The following SGCZ variants were observed in gnomAD, a reference collection of about 807,000 sequenced individuals.
SGCZ encodes the protein zeta-sarcoglycan.
A neutral mutation model predicts 41.3 loss-of-function variants in SGCZ; 40 were observed. That is an observed-to-expected ratio of 0.97 (90% CI 0.75 to 1.26). The LOEUF (loss-of-function observed/expected upper bound fraction) is 1.26, where lower values mean the gene tolerates loss of function less well. Among genes scored for constraint, SGCZ ranks in the 50% most tolerant of loss-of-function variants. The pLI, the probability that SGCZ is intolerant of heterozygous loss-of-function variation, is 0.00. For missense variants in SGCZ, 552 were observed against 369.8 expected (o/e 1.49, Z -4.04); for synonymous variants, 206 against 137.5 (o/e 1.50, Z -3.49).
intron 1 of SGCZ, among the ~76,000 whole-genome samples, chr8:15,189,669 C>A (rs1222549666): frequency 6.6e-6 from 1 of 152,028 alleles, no homozygotes; most frequent in Non-Finnish European, 1.5e-5. Flanking sequence ...CTACCTGAGC[C>A]TCCCAAGTAG....
chr8:14,456,709 T>G (rs965090757), intron 2 of SGCZ, among the ~76,000 whole-genome samples: 4 of 152,110 alleles, frequency 2.6e-5, no homozygotes, highest in Non-Finnish European at 4.4e-5. Flanking sequence ...ACATGGGATA[T>G]AGTTTGAATA....
At position 14,153,960 on chromosome 8, in the gene SGCZ, C is replaced by T. The variant is rs189950021; in HGVS notation, c.547+10620G>A. ...ACACAGACACACACACACACACACACATATATATGAAGACACAGCAACAAG... is the reference window on the plus strand; with the variant it reads ...ACACAGACACACACACACACACACATATATATATGAAGACACAGCAACAAG... On this transcript the variant is annotated intron_variant, in intron 5 of 7. Coordinates refer to ENST00000382080, the MANE Select transcript of SGCZ (RefSeq NM_139167.4). Among the ~76,000 whole-genome samples the T allele has an allele frequency of 6.0e-3, 835 of 139,258 alleles. 6 individuals carry two copies. The highest frequency in any genetic ancestry group is 8.0e-3 in the Non-Finnish European group (523 of 64,972). The allele number at this position is 139,258 out of a possible 152,430, so 91.4% of individuals were successfully genotyped here. A position where few individuals can be genotyped will look rare whatever the true frequency, so the allele number is the denominator to read the frequency against.
chr8:14,287,944 C>T (rs760858686), intron 3 of SGCZ, among the ~76,000 whole-genome samples: 7 of 152,132 alleles, frequency 4.6e-5, no homozygotes, highest in African/African-American at 7.2e-5. Context: ...TATTCCTCTT[C>T]GGTGAAGTAA....
At chr8:14,540,843 T>A (rs1803443505) in intron 2 of SGCZ, among the ~76,000 whole-genome samples, 1 of 151,838 alleles carries the variant, frequency 6.6e-6, no homozygotes, top group African/African-American at 2.4e-5. Context: ...TGTCACATGT[T>A]CAATTTTGGA....
chr8:14,691,079 T>TTATATTTTAGCATAATAA, intron 1 of SGCZ, among the ~76,000 whole-genome samples: 1 of 152,320 alleles, frequency 6.6e-6, no homozygotes, highest in South Asian at 2.1e-4. Context: ...TTTAGCATAC[T>TTATATTTTAGCATAATAA]ATAAATGCAC....
rs1396170295 is a variant in SGCZ at position 14,089,624 on chromosome 8, A to G, written c.*819T>C. On this transcript the variant is annotated 3_prime_UTR_variant, in exon 8 of 8. Coordinates refer to ENST00000382080, the MANE Select transcript of SGCZ (RefSeq NM_139167.4). ...TTAATACCATCAACATATCCTTCTT[A>G]ATCCTGTCTTATATTGCAATAGAGT... 6.6e-6 allele frequency among the ~76,000 whole-genome samples: 1 copy of G among 152,026 alleles called. No individual in the cohort carries two copies. The highest frequency in any genetic ancestry group is 1.5e-5 in the Non-Finnish European group (1 of 67,976).
intron 1 of SGCZ, among the ~76,000 whole-genome samples, chr8:14,845,692 T>A (rs577758893): frequency 1.3e-5 from 2 of 152,194 alleles, no homozygotes; most frequent in East Asian, 3.9e-4. Flanking sequence ...ACATCTTGAA[T>A]GAAAAATTCA....
rs560834617 is a variant in SGCZ at position 15,014,450 on chromosome 8, C to A, written c.39+223135G>T. Among the ~76,000 whole-genome samples the A allele has an allele frequency of 5.3e-5, 8 of 152,262 alleles. No homozygotes were observed. In the South Asian group the frequency reaches 1.7e-3, roughly 32 times the overall value. The stretch of plus-strand genomic sequence containing the variant: ...TTGTAAATGAAGGCTGGTTTTTATT[C>A]ATATCTTCCCTAAGCACCTAACAAA... On this transcript the variant is annotated intron_variant, in intron 1 of 7. Coordinates refer to ENST00000382080, the MANE Select transcript of SGCZ (RefSeq NM_139167.4).
At chr8:14,170,120 C>A (rs938643681) in intron 4 of SGCZ, among the ~76,000 whole-genome samples, 1 of 151,024 alleles carries the variant, frequency 6.6e-6, no homozygotes, top group East Asian at 1.9e-4. Context: ...CTGTATCTCT[C>A]ATCTTAACCT....
chr8:14,921,803 C>G (rs1585381007), intron 1 of SGCZ, among the ~76,000 whole-genome samples: 1 of 152,058 alleles, frequency 6.6e-6, no homozygotes, highest in South Asian at 2.1e-4. Flanking sequence ...TATAACCCGA[C>G]TTTTTTCAAT....
intron 1 of SGCZ, among the ~76,000 whole-genome samples, chr8:14,870,719 C>G (rs908724839): frequency 4.0e-5 from 6 of 149,206 alleles, no homozygotes; most frequent in African/African-American, 1.5e-4. Context: ...GAATCTTAAA[C>G]AAGTTTACAA....
intron 1 of SGCZ, among the ~76,000 whole-genome samples, chr8:14,819,324 T>C (rs1802002479): frequency 6.6e-6 from 1 of 152,150 alleles, no homozygotes; most frequent in South Asian, 2.1e-4. Context: ...TTACTTTTCC[T>C]TCATTTACGA....
chr8:14,215,005 T>C (rs1259047900), intron 4 of SGCZ, among the ~76,000 whole-genome samples: 1 of 152,090 alleles, frequency 6.6e-6, no homozygotes. Context: ...AAGAATATTA[T>C]CAAACAATGG....
intron 1 of SGCZ, among the ~76,000 whole-genome samples, chr8:14,878,513 T>C (rs776279296): frequency 2.6e-5 from 4 of 152,178 alleles, no homozygotes; most frequent in Non-Finnish European, 5.9e-5. Context: ...TTCTGATATC[T>C]GATTGGCTAC....
At chr8:14,597,465 CTT>C (rs1372239176) in intron 1 of SGCZ, among the ~76,000 whole-genome samples, 2 of 152,046 alleles carry the variant, frequency 1.3e-5, no homozygotes, top group African/African-American at 4.8e-5. Context: ...ATATTCATTC[CTT>C]TTTTTGTTTG....
chr8:15,145,170 C>A (rs1342520977), intron 1 of SGCZ, among the ~76,000 whole-genome samples: 1 of 152,182 alleles, frequency 6.6e-6, no homozygotes, highest in African/African-American at 2.4e-5. Context: ...AAGGTTATAA[C>A]TAATTCTTTA....
chr8:14,377,064 T>C (rs981355605), intron 2 of SGCZ, among the ~76,000 whole-genome samples: 4 of 152,136 alleles, frequency 2.6e-5, no homozygotes, highest in Admixed American at 2.0e-4. Context: ...AGAAGGTGAC[T>C]CTTGATGGGC....
At chr8:14,677,329 C>T (rs1414802883) in intron 1 of SGCZ, among the ~76,000 whole-genome samples, 3 of 152,066 alleles carry the variant, frequency 2.0e-5, no homozygotes, top group Non-Finnish European at 4.4e-5. Context: ...AGAAATATTT[C>T]ATGTTCATGG....
intron 1 of SGCZ, among the ~76,000 whole-genome samples, chr8:14,646,975 A>G (rs1185759951): frequency 6.6e-6 from 1 of 151,958 alleles, no homozygotes; most frequent in Non-Finnish European, 1.5e-5. Flanking sequence ...TCAGAAATGA[A>G]GCCTGGAAAA....
Sources: gnomAD v4.1 joint callset for allele counts (sites outside exome capture counted in the v4.1 genomes callset) on GRCh38, gnomAD v4.1.1 for gene constraint, MANE v1.5 for transcripts, NCBI Gene and HGNC (gene_info 2026-07-23, HGNC 2026-07-21) for gene names.